POLD1: variants seen among roughly 807,000 people sequenced by gnomAD.
The protein encoded by POLD1 is DNA polymerase delta catalytic subunit.
A neutral mutation model predicts 129.7 loss-of-function variants in POLD1; 79 were observed. The ratio of observed to expected loss-of-function variants is 0.61; its 90% CI spans 0.51 to 0.73. POLD1 has a LOEUF of 0.73. Among genes scored for constraint, POLD1 ranks in the 30% least tolerant of loss-of-function variants. The pLI is 0.00. For missense variants in POLD1, 1,338 were observed against 1,595.8 expected (o/e 0.84, Z 2.75); for synonymous variants, 714 against 683.3 (o/e 1.04, Z -0.70).
At chr19:50,386,460 C>T (rs535362314) in intron 1 of POLD1, among the ~76,000 whole-genome samples, 9 of 152,274 alleles carry the variant, frequency 5.9e-5, no homozygotes, top group African/African-American at 9.6e-5. Flanking sequence ...TTGAAGTAAC[C>T]GGACACTGTG....
chr19:50,407,399 A>G lies in POLD1; in HGVS notation c.1759A>G (p.Ile587Val). Residue 587 changes from isoleucine (I) to valine (V), a missense_variant, in exon 14 of 27, where the codon ATC becomes GTC. Ile to Val is a conservative substitution (Grantham distance 29). This residue lies in a region of POLD1 where 720 missense variants were observed against 1,002.6 expected (regional missense o/e 0.72). Coordinates refer to ENST00000440232, the MANE Select transcript of POLD1 (RefSeq NM_002691.4). Reference sequence around the variant, plus strand: ...CGAGGACTACACGGGAGCCACTGTCATCGAGCCCCTCAAAGGGTGAGGCCC... The same window carrying G: ...CGAGGACTACACGGGAGCCACTGTCGTCGAGCCCCTCAAAGGGTGAGGCCC... ...GGEDYTGATV[I>V]EPLKGYYDVP... The G allele has an allele frequency of 6.2e-7, 1 of 1,608,356 alleles. No individual in the cohort carries two copies. Among genetic ancestry groups the G allele is most frequent in the Non-Finnish European group, 8.5e-7 (1 of 1,176,552 alleles).
chr19:50,414,819 A>G lies in POLD1; in HGVS notation c.2393A>G (p.Tyr798Cys). Reference protein sequence around the residue: ...SPIRLEFEKVYFPYLLISKKR... With the variant: ...SPIRLEFEKVCFPYLLISKKR... ...TTGGCCATGGCTCCCTCCCAGGTCT[A>G]CTTCCCATACCTGCTTATCAGCAAG... Residue 798 changes from tyrosine to cysteine, a missense_variant, in exon 20 of 27, where the codon TAC becomes TGC. By Grantham distance (194) the Tyr-to-Cys change is radical. Transcript: ENST00000440232. 1.3e-6 allele frequency: 2 copies of G among 1,547,894 alleles called. No individual in the cohort carries two copies. The highest frequency in any genetic ancestry group is 1.8e-6 in the Non-Finnish European group (2 of 1,141,816).
chr19:50,411,436 G>A (rs897422676), intron 17 of POLD1, among the ~76,000 whole-genome samples: 2 of 152,318 alleles, frequency 1.3e-5, no homozygotes, highest in Non-Finnish European at 2.9e-5. Flanking sequence ...CTGTGTCTCT[G>A]TCTTTTCTCT....
At chr19:50,407,558 T>A (rs955828898) in intron 14 of POLD1, 143 bp downstream of exon 14, 14 of 395,364 alleles carry the variant, frequency 3.5e-5, no homozygotes, top group Non-Finnish European at 5.7e-5. Flanking sequence ...TTTTTATTTA[T>A]TTTTATTTTT....
chr19:50,416,101 C>T (rs2039278335), intron 22 of POLD1: 1 of 582,414 alleles, frequency 1.7e-6, no homozygotes, highest in Non-Finnish European at 3.0e-6. Context: ...AATCCTCCAG[C>T]TCTACCCCCA....
chr19:50,409,686 G>A lies in POLD1; in HGVS notation c.2154+20G>A, dbSNP rs376289049. On this transcript the variant is annotated intron_variant, in intron 17 of 26. Transcript: ENST00000440232. This position sits in a 1 kb window ranked among gnomAD's most constrained non-coding sequence, Gnocchi z 5.8. ...TCACAGGTGGGCACTCGGGCCCCTG[G>A]AAGGCAACTGGGGGCAGGTGGGCCC... The A allele has an allele frequency of 4.0e-5, 63 of 1,583,714 alleles. No individual in the cohort carries two copies. The highest frequency in any genetic ancestry group is 4.6e-5 in the Non-Finnish European group (53 of 1,162,100).
rs750260438 is a variant in POLD1, at chr19:50,401,788, G to C, written c.327G>C (p.Gln109His). 1.6e-5 allele frequency: 26 copies of C among 1,612,432 alleles called. No homozygotes were observed. The highest frequency in any genetic ancestry group is 2.1e-5 in the Non-Finnish European group (25 of 1,179,828). ...LEIDHYVGPAQPVPGGPPPSR... is the reference protein window; with the variant it reads ...LEIDHYVGPAHPVPGGPPPSR... ...CCTGTGACCCCACAGGCCCAGCGCA[G>C]CCTGTGCCTGGGGGGCCCCCACCAT... Residue 109 changes from glutamine (Q) to histidine (H), a missense_variant, in exon 4 of 27, where the codon CAG (glutamine) becomes CAC (histidine). Physicochemically the swap from Gln to His is conservative, Grantham distance 24. Around this residue, in one of 3 missense-constraint regions of POLD1, gnomAD observed 332 missense variants for 315.7 expected, o/e 1.05. Coordinates refer to ENST00000440232, the MANE Select transcript of POLD1 (RefSeq NM_002691.4).
chr19:50,402,876 G>T (rs747577304), intron 8 of POLD1, 135 bp downstream of exon 8: 4 of 1,362,790 alleles, frequency 2.9e-6, no homozygotes, highest in Non-Finnish European at 4.0e-6. Context: ...TGGCCAGATG[G>T]AGTGAGCACA....
chr19:50,413,314 A>G lies in POLD1; in HGVS notation c.2155-112A>G, dbSNP rs1274606. 26,334 of 841,322 alleles carry G rather than the reference A, an allele frequency of 0.031. 3,667 individuals carry two copies. The African/African-American group carries it at 0.33, about 11-fold the overall frequency. 52.1% of individuals were successfully genotyped at this position (841,322 alleles called of 1,614,324 possible). A position where few individuals can be genotyped will look rare whatever the true frequency, so the allele number is the denominator to read the frequency against. ...GCCCAGGAGGGGCAGAGTGGCTTGT[A>G]CATAAGCCTATGCCACTGGGAAATG... On this transcript the variant is annotated intron_variant, in intron 17 of 26. Coordinates refer to ENST00000440232, the MANE Select transcript of POLD1 (RefSeq NM_002691.4).
At position 50,402,041 on chromosome 19, in the gene POLD1, A is replaced by G. The variant is rs781721165; in HGVS notation, c.506A>G (p.Asn169Ser). 5 of 1,614,052 alleles carry G rather than the reference A, an allele frequency of 3.1e-6. No individual in the cohort carries two copies. Among genetic ancestry groups the G allele is most frequent in the South Asian group, 2.2e-5 (2 of 91,080 alleles). The change falls in exon 5 of 27, where the codon AAC becomes AGC. Residue 169 changes from asparagine (N) to serine (S), a missense_variant. Around this residue, in one of 3 missense-constraint regions of POLD1, gnomAD observed 332 missense variants for 315.7 expected, o/e 1.05. Transcript: ENST00000440232. Reference protein sequence around the residue: ...EHMGDLQRELNLAISRDSRGG... With the variant: ...EHMGDLQRELSLAISRDSRGG... ...ATGGGTGACCTGCAACGGGAGCTGA[A>G]CTTGGCCATCAGCCGGGACAGTCGC... is the stretch of plus-strand genomic sequence containing the variant.
At chr19:50,399,573 T>G in intron 3 of POLD1, 89 bp downstream of exon 3, 1 of 976,486 alleles carries the variant, frequency 1.0e-6, no homozygotes, top group South Asian at 1.3e-5. Context: ...CCTGTGCTCC[T>G]GGGGCAGAGG....
rs1226162387 is a variant in POLD1, at chr19:50,417,923, A to G, written c.3300A>G (p.Gly1100=). The change falls in exon 27 of 27, where the codon GGA becomes GGG. Residue 1100 remains glycine (G), a synonymous_variant. Transcript: ENST00000440232. The part of the protein sequence containing the change: ...EDQEQLLRRF[G]PPGPEAW Reference sequence around the variant, plus strand: ...AGGAGCAGCTCCTGCGGCGCTTCGGACCCCCTGGACCTGAGGCCTGGTGAC... The same window carrying G: ...AGGAGCAGCTCCTGCGGCGCTTCGGGCCCCCTGGACCTGAGGCCTGGTGAC... 3.1e-6 allele frequency: 5 copies of G among 1,608,744 alleles called. No individual in the cohort carries two copies. Among genetic ancestry groups the G allele is most frequent in the South Asian group, 1.1e-5 (1 of 90,244 alleles).
At chr19:50,413,087 G>T (rs976098679) in intron 17 of POLD1, among the ~76,000 whole-genome samples, 2 of 152,074 alleles carry the variant, frequency 1.3e-5, no homozygotes, top group African/African-American at 2.4e-5. Flanking sequence ...CGGTGGTCCT[G>T]TACCATAGAG....
At position 50,398,950 on chromosome 19, in the gene POLD1, A is replaced by G. The variant is rs751090809; in HGVS notation, c.99A>G (p.Gln33=). The change falls in exon 2 of 27, where the codon CAA becomes CAG. Residue 33 remains glutamine (Q), a synonymous_variant. Coordinates refer to ENST00000440232, the MANE Select transcript of POLD1 (RefSeq NM_002691.4). ...WDDDDAPRPS[Q]FEEDLALMEE... ...ATGATGATGCACCTCGGCCATCCCAATTCGAGGAGGACCTGGCACTGATGG... is the reference window on the plus strand; with the variant it reads ...ATGATGATGCACCTCGGCCATCCCAGTTCGAGGAGGACCTGGCACTGATGG... 19 of 1,588,254 alleles carry G rather than the reference A, an allele frequency of 1.2e-5. No homozygotes were observed. In the East Asian group the frequency reaches 2.9e-4, roughly 25 times the overall value.
rs756717437 is a variant in POLD1 at position 50,402,030 on chromosome 19, A to T, written c.495A>T (p.Gln165His). ...GGCCCGAGCACATGGGTGACCTGCA[A>T]CGGGAGCTGAACTTGGCCATCAGCC... ...GFGPEHMGDL[Q>H]RELNLAISRD... Residue 165 changes from glutamine to histidine, a missense_variant, in exon 5 of 27, where the codon CAA becomes CAT. Gln to His is a conservative substitution (Grantham distance 24). Transcript: ENST00000440232. The T allele has an allele frequency of 6.2e-7, 1 of 1,614,028 alleles. No homozygotes were observed. Among genetic ancestry groups the T allele is most frequent in the Non-Finnish European group, 8.5e-7 (1 of 1,179,966 alleles).
rs555154206 is a variant in POLD1, at chr19:50,404,462, CTG to C, written c.1242+869_1242+870del. Among the ~76,000 whole-genome samples the C allele has an allele frequency of 6.4e-4, 95 of 148,790 alleles. 2 individuals are homozygous for C. Among genetic ancestry groups the C allele is most frequent in the Non-Finnish European group, 1.1e-3 (78 of 67,856 alleles). On this transcript the variant is annotated intron_variant, in intron 10 of 26. Coordinates refer to ENST00000440232, the MANE Select transcript of POLD1 (RefSeq NM_002691.4). ...TGTTTTTAGTAGAGACGGGGTTTCA[CTG>C]TGTTAGCGAGGATGGTCTTGATCTC...
Position 50,409,649 on chromosome 19 carries a change from T to A in POLD1, c.2137T>A (p.Cys713Ser), listed in dbSNP as rs750694968. The A allele has an allele frequency of 1.9e-6, 3 of 1,605,524 alleles. No individual in the cohort carries two copies. Among genetic ancestry groups the A allele is most frequent in the Non-Finnish European group, 2.6e-6 (3 of 1,174,222 alleles). Residue 713 changes from cysteine to serine, a missense_variant, in exon 17 of 27, where the codon TGC (cysteine) becomes AGC (serine). Physicochemically the swap from Cys to Ser is moderately radical, Grantham distance 112. Around this residue, in one of 3 missense-constraint regions of POLD1, gnomAD observed 720 missense variants for 1,002.6 expected, o/e 0.72. Coordinates refer to ENST00000440232, the MANE Select transcript of POLD1 (RefSeq NM_002691.4). The surrounding 1 kb of genome is among the most constrained non-coding windows in gnomAD (Gnocchi z 5.8). ...TGGCGCCCAGGTGGGCAAGTTGCCG[T>A]GCCTGGAGATCTCACAGGTGGGCAC... ...FTGAQVGKLP[C>S]LEISQSVTGF...
intron 17 of POLD1, among the ~76,000 whole-genome samples, chr19:50,410,716 C>T (rs1296159506): frequency 6.6e-6 from 1 of 152,130 alleles, no homozygotes; most frequent in African/African-American, 2.4e-5. Flanking sequence ...TGATGCGTGC[C>T]TGCACACATG....
chr19:50,393,142 A>G (rs779191491), intron 1 of POLD1, among the ~76,000 whole-genome samples: 3 of 151,636 alleles, frequency 2.0e-5, no homozygotes, highest in Non-Finnish European at 4.4e-5. Flanking sequence ...CCAAACTTTT[A>G]TGTTTATAAT....
Sources: gnomAD v4.1 joint callset for allele counts (sites outside exome capture counted in the v4.1 genomes callset) on GRCh38, gnomAD v4.1.1 for gene constraint, gnomAD v4.1.1 regional missense constraint, Gnocchi (gnomAD v3.1) non-coding constraint, MANE v1.5 for transcripts, NCBI Gene and HGNC (gene_info 2026-07-23, HGNC 2026-07-21) for gene names.